The following VAT1L variants were observed in gnomAD, a reference collection of about 807,000 sequenced individuals.
VAT1L encodes the protein vesicle amine transport 1 like, also known as putative NADPH-dependent quinone oxidoreductase VAT1L.
Under a neutral mutation model 44.1 loss-of-function variants are expected in VAT1L, and 34 were observed. That is an observed-to-expected ratio of 0.77 (90% CI 0.59 to 1.03). VAT1L has a LOEUF of 1.03. Among genes scored for constraint, VAT1L ranks in the 50% least tolerant of loss-of-function variants. The pLI, the probability that VAT1L is intolerant of heterozygous loss-of-function variation, is 0.00. For synonymous variants in VAT1L, 253 were observed against 202.2 expected, an observed-to-expected ratio of 1.25 and a Z score of -2.13; for missense variants, 615 against 538.8, an observed-to-expected ratio of 1.14 and a Z score of -1.40.
chr16:77,860,691 A>T (rs1041950191), intron 3 of VAT1L, among the ~76,000 whole-genome samples: 5 of 152,118 alleles, frequency 3.3e-5, no homozygotes, highest in Non-Finnish European at 7.3e-5. Flanking sequence ...GCTGATATTT[A>T]CCCTCCCTAG....
chr16:77,976,875 C>G (rs140977084), intron 8 of VAT1L, among the ~76,000 whole-genome samples: 3 of 152,152 alleles, frequency 2.0e-5, no homozygotes, highest in Admixed American at 1.3e-4. Context: ...CCTGTCTTCC[C>G]AGAAACTATA....
chr16:77,816,903 C>T lies in VAT1L; in HGVS notation c.234-18C>T. On this transcript the variant is annotated intron_variant, in intron 1 of 8. Coordinates refer to ENST00000302536, the MANE Select transcript of VAT1L (RefSeq NM_020927.3). ...ATCTCATTTTGAATTTCTCTCCTTT[C>T]ACATTTGCTCTTTACAGTGGATTAA... 1.3e-6 allele frequency: 2 copies of T among 1,582,306 alleles called. No individual in the cohort carries two copies. The highest frequency in any genetic ancestry group is 1.7e-6 in the Non-Finnish European group (2 of 1,164,234).
intron 4 of VAT1L, among the ~76,000 whole-genome samples, chr16:77,866,899 G>A (rs867197512): frequency 3.9e-5 from 6 of 152,194 alleles, no homozygotes; most frequent in African/African-American, 1.4e-4. Context: ...ATCAGAGAGA[G>A]CACGTCAAGA....
intron 4 of VAT1L, among the ~76,000 whole-genome samples, chr16:77,875,406 A>G (rs780810924): frequency 4.6e-5 from 7 of 152,188 alleles, no homozygotes; most frequent in Non-Finnish European, 8.8e-5. Flanking sequence ...TTGCTAAGAC[A>G]AGTTAATCCT....
At chr16:77,925,395 G>C (rs1423708332) in intron 7 of VAT1L, among the ~76,000 whole-genome samples, 2 of 152,126 alleles carry the variant, frequency 1.3e-5, no homozygotes, top group African/African-American at 2.4e-5. Context: ...CCTCGATCAA[G>C]TGGCTTGAGT....
chr16:77,860,688 T>C (rs1010689506), intron 3 of VAT1L, among the ~76,000 whole-genome samples: 1 of 152,122 alleles, frequency 6.6e-6, no homozygotes, highest in African/African-American at 2.4e-5. Context: ...GTTGCTGATA[T>C]TTACCCTCCC....
At chr16:77,848,969 T>C (rs1597065439) in intron 3 of VAT1L, among the ~76,000 whole-genome samples, 1 of 152,080 alleles carries the variant, frequency 6.6e-6, no homozygotes, top group African/African-American at 2.4e-5. Context: ...ATGTTCTCAC[T>C]CATAAGTGGG....
At chr16:77,868,972 T>C (rs1473299849) in intron 4 of VAT1L, among the ~76,000 whole-genome samples, 1 of 152,090 alleles carries the variant, frequency 6.6e-6, no homozygotes, top group African/African-American at 2.4e-5. Flanking sequence ...TGAAAGCTCT[T>C]AAATGGAGTA....
chr16:77,854,899 A>G (rs1031374288), intron 3 of VAT1L, among the ~76,000 whole-genome samples: 3 of 152,168 alleles, frequency 2.0e-5, no homozygotes, highest in Non-Finnish European at 2.9e-5. Context: ...ATTTTCATCA[A>G]ACTTGGTACA....
intron 8 of VAT1L, among the ~76,000 whole-genome samples, chr16:77,977,165 T>C (rs12926808): frequency 0.28 from 42,131 of 151,898 alleles, 6,320 homozygotes; most frequent in Middle Eastern, 0.34. Flanking sequence ...GGGAGATAAC[T>C]CACCTCCCCT....
chr16:77,838,465 T>A (rs1312563717), intron 3 of VAT1L, among the ~76,000 whole-genome samples: 1 of 152,160 alleles, frequency 6.6e-6, no homozygotes, highest in Admixed American at 6.5e-5. Flanking sequence ...TTGCAGCTCA[T>A]GTCATGGCAA....
At chr16:77,925,141 G>A (rs552833689) in intron 7 of VAT1L, among the ~76,000 whole-genome samples, 2 of 152,190 alleles carry the variant, frequency 1.3e-5, no homozygotes, top group South Asian at 4.2e-4. Flanking sequence ...AATGGTTACT[G>A]CCAGGGCACA....
chr16:77,960,774 C>G (rs1208271400), intron 7 of VAT1L, among the ~76,000 whole-genome samples: 1 of 152,072 alleles, frequency 6.6e-6, no homozygotes, highest in East Asian at 1.9e-4. Flanking sequence ...CCTCCTCAGC[C>G]CTGATTGAGG....
intron 7 of VAT1L, among the ~76,000 whole-genome samples, chr16:77,959,197 G>C (rs2018136163): frequency 6.6e-6 from 1 of 152,134 alleles, no homozygotes. Flanking sequence ...AAAAGGAGCT[G>C]AGTGTTTGAA....
chr16:77,819,207 G>A (rs2016406909), intron 2 of VAT1L, among the ~76,000 whole-genome samples: 1 of 152,098 alleles, frequency 6.6e-6, no homozygotes, highest in South Asian at 2.1e-4. Context: ...CACTGCCAAG[G>A]TGGTTGAAAT....
intron 3 of VAT1L, among the ~76,000 whole-genome samples, chr16:77,860,306 G>A (rs1169804931): frequency 6.6e-6 from 1 of 152,152 alleles, no homozygotes; most frequent in Non-Finnish European, 1.5e-5. Flanking sequence ...CACGAGTTAG[G>A]TTTTGGATCA....
intron 7 of VAT1L, among the ~76,000 whole-genome samples, chr16:77,949,891 G>A (rs1343218111): frequency 2.6e-5 from 4 of 152,208 alleles, no homozygotes; most frequent in East Asian, 1.9e-4. Context: ...TGTGAAGCAC[G>A]TGGCTCTTCC....
chr16:77,837,970 G>T (rs1456650141), intron 3 of VAT1L, among the ~76,000 whole-genome samples: 1 of 152,164 alleles, frequency 6.6e-6, no homozygotes, highest in Non-Finnish European at 1.5e-5. Context: ...TAGGTTGACG[G>T]TTGAAACCTA....
chr16:77,923,947 CT>C (rs1197602056), intron 7 of VAT1L, among the ~76,000 whole-genome samples: 2 of 152,074 alleles, frequency 1.3e-5, no homozygotes, highest in Non-Finnish European at 2.9e-5. Context: ...TGGGGTCTGC[CT>C]TCCCCCCCTC....
Sources: allele counts gnomAD v4.1 joint callset (sites outside exome capture counted in the v4.1 genomes callset), GRCh38; gene constraint gnomAD v4.1.1; transcripts MANE v1.5; gene names NCBI Gene and HGNC (gene_info 2026-07-23, HGNC 2026-07-21).